Variants in KSR2 observed in about 807,000 individuals in gnomAD.
KSR2 encodes kinase suppressor of ras 2.
KSR2 carries 25 observed loss-of-function variants against 107.8 expected under a neutral mutation model. The ratio of observed to expected loss-of-function variants is 0.23; its 90% CI spans 0.17 to 0.32. The LOEUF is 0.32. Ranked by LOEUF, KSR2 falls within the 10% of genes least tolerant of loss-of-function variation. The pLI is 1.00. For synonymous variants in KSR2, 480 were observed against 507.0 expected, an observed-to-expected ratio of 0.95 and a Z score of 0.71; for missense variants, 887 against 1,268.9, an observed-to-expected ratio of 0.70 and a Z score of 4.57.
At chr12:117,966,609 T>TCACA (rs1347077824) in intron 1 of KSR2, among the ~76,000 whole-genome samples, 1 of 98,216 alleles carries the variant, frequency 1.0e-5, no homozygotes, top group African/African-American at 4.4e-5. Context: ...TCTCTCTCTC[T>TCACA]CTCACACGCG....
intron 4 of KSR2, among the ~76,000 whole-genome samples, chr12:117,725,084 T>TCTCTCTCACA (rs1468780403): frequency 3.3e-5 from 4 of 121,486 alleles, no homozygotes; most frequent in African/African-American, 1.2e-4. Flanking sequence ...TCTCTCTCTC[T>TCTCTCTCACA]CACACACACA....
chr12:117,872,221 AC>A (rs1312852230), intron 1 of KSR2, among the ~76,000 whole-genome samples: 1 of 152,202 alleles, frequency 6.6e-6, no homozygotes, highest in African/African-American at 2.4e-5. Context: ...TAGGCAGCTC[AC>A]CCAAGGTACT....
chr12:117,812,202 T>C (rs1279567047), intron 3 of KSR2, among the ~76,000 whole-genome samples: 1 of 152,184 alleles, frequency 6.6e-6, no homozygotes, highest in African/African-American at 2.4e-5. Context: ...GCTAACCAAA[T>C]TGAGATGGGC....
At chr12:117,946,883 G>A (rs977041270) in intron 1 of KSR2, among the ~76,000 whole-genome samples, 3 of 151,902 alleles carry the variant, frequency 2.0e-5, no homozygotes, top group African/African-American at 7.3e-5. Context: ...AAGATAAATG[G>A]GCCAGGTGCA....
chr12:117,797,532 G>GTGA lies in KSR2; in HGVS notation c.473-36011_473-36009dup, dbSNP rs1555242073. 3.5e-4 allele frequency among the ~76,000 whole-genome samples: 38 copies of GTGA among 109,336 alleles called. No homozygotes were observed. In the East Asian group the frequency reaches 0.011, roughly 30 times the overall value. 71.7% of individuals were successfully genotyped at this position (109,336 alleles called of 152,430 possible). On this transcript the variant is annotated intron_variant, in intron 3 of 19. Coordinates refer to ENST00000339824, the MANE Select transcript of KSR2 (RefSeq NM_173598.6). The stretch of plus-strand genomic sequence containing the variant: ...AATGGCTACGGGGTTTCTATTTGGT[G>GTGA]TGATGACAATACTTTGGAACTAGAC...
intron 1 of KSR2, among the ~76,000 whole-genome samples, chr12:117,966,688 C>T (rs61943461): frequency 1.4e-5 from 2 of 140,950 alleles, no homozygotes; most frequent in Non-Finnish European, 3.2e-5. Flanking sequence ...CTCTCTTTCT[C>T]CCTCCCTCTC....
At chr12:117,794,022 A>T (rs372770395) in intron 3 of KSR2, among the ~76,000 whole-genome samples, 1 of 37,408 alleles carries the variant, frequency 2.7e-5, no homozygotes, top group Non-Finnish European at 4.6e-5. Flanking sequence ...ATGCACACTC[A>T]CACCAACATG....
At chr12:117,873,461 C>G (rs376839935) in intron 1 of KSR2, among the ~76,000 whole-genome samples, 1 of 119,510 alleles carries the variant, frequency 8.4e-6, no homozygotes. Context: ...GTTCATGGTG[C>G]TTTTTTTTTT....
rs545866663 is a variant in KSR2 at position 117,457,285 on chromosome 12, T to C, written c.*9914A>G. ...TTCTCCTCTGATTTCCTTTCTCCCA[T>C]GGAAGGTTGCAGATGGCAGGATGCT... On this transcript the variant is annotated 3_prime_UTR_variant, in exon 20 of 20. Transcript: ENST00000339824. The C allele has an allele frequency of 1.3e-5, 2 of 152,294 alleles. No individual in the cohort carries two copies. Among genetic ancestry groups the C allele is most frequent in the African/African-American group, 4.8e-5 (2 of 41,558 alleles). The allele number at this position is 152,294 out of a possible 1,614,324, so 9.4% of individuals were successfully genotyped here.
intron 4 of KSR2, among the ~76,000 whole-genome samples, chr12:117,717,549 G>A (rs1279757126): frequency 6.6e-6 from 1 of 151,824 alleles, no homozygotes; most frequent in African/African-American, 2.4e-5. Context: ...AAAAAAAGAG[G>A]GCCCTATATG....
At chr12:117,474,551 G>C (rs1002186416) in intron 17 of KSR2, among the ~76,000 whole-genome samples, 1 of 151,994 alleles carries the variant, frequency 6.6e-6, no homozygotes, top group African/African-American at 2.4e-5. Flanking sequence ...CGCTTCCCCA[G>C]TGTTATCTCC....
intron 4 of KSR2, among the ~76,000 whole-genome samples, chr12:117,696,602 G>C (rs1886069493): frequency 6.6e-6 from 1 of 152,128 alleles, no homozygotes; most frequent in African/African-American, 2.4e-5. Flanking sequence ...GACCAGCTGT[G>C]ATATTTTAGT....
chr12:117,641,234 T>C (rs1172925367), intron 5 of KSR2, among the ~76,000 whole-genome samples: 5 of 152,150 alleles, frequency 3.3e-5, no homozygotes, highest in African/African-American at 9.7e-5. Context: ...GTAGCTGGGA[T>C]TACAGGCGTG....
At chr12:117,594,049 G>A (rs192751013) in intron 5 of KSR2, among the ~76,000 whole-genome samples, 5 of 152,146 alleles carry the variant, frequency 3.3e-5, no homozygotes, top group Admixed American at 6.5e-5. Context: ...CATATTTATC[G>A]CCTTGAACTG....
At position 117,929,831 on chromosome 12, in the gene KSR2, G is replaced by A. The variant is rs1281612782; in HGVS notation, c.180+38245C>T. Among the ~76,000 whole-genome samples the A allele has an allele frequency of 2.0e-5, 3 of 152,150 alleles. No homozygotes were observed. The East Asian group carries it at 5.8e-4, about 29-fold the overall frequency. Reference sequence around the variant, plus strand: ...GGCAAATTCATAAAGACAGAAAGTAGAATAGATGTTACCGGGAGCAGGAGG... The same window carrying A: ...GGCAAATTCATAAAGACAGAAAGTAAAATAGATGTTACCGGGAGCAGGAGG... On this transcript the variant is annotated intron_variant, in intron 1 of 19. Transcript: ENST00000339824.
At chr12:117,809,362 T>A (rs1037203596) in intron 3 of KSR2, among the ~76,000 whole-genome samples, 1 of 152,000 alleles carries the variant, frequency 6.6e-6, no homozygotes, top group African/African-American at 2.4e-5. Context: ...TTAGGCAGCA[T>A]CCCTGGCTCC....
chr12:117,706,068 G>A (rs1413878048), intron 4 of KSR2, among the ~76,000 whole-genome samples: 26 of 147,074 alleles, frequency 1.8e-4, no homozygotes, highest in African/African-American at 3.5e-4. Context: ...TTTTGAGACG[G>A]AGTCCTGCTC....
At chr12:117,602,825 CT>C (rs1257151899) in intron 5 of KSR2, among the ~76,000 whole-genome samples, 2 of 152,194 alleles carry the variant, frequency 1.3e-5, no homozygotes, top group Non-Finnish European at 2.9e-5. Flanking sequence ...CCCACTGGGC[CT>C]GAGCTCTTTT....
At chr12:117,699,334 C>A (rs1886205967) in intron 4 of KSR2, among the ~76,000 whole-genome samples, 1 of 152,202 alleles carries the variant, frequency 6.6e-6, no homozygotes, top group Admixed American at 6.5e-5. Context: ...ATTTAATTCT[C>A]CCAGCAGCCC....
Sources: allele counts gnomAD v4.1 joint callset (sites outside exome capture counted in the v4.1 genomes callset), GRCh38; gene constraint gnomAD v4.1.1; transcripts MANE v1.5; gene names NCBI Gene and HGNC (gene_info 2026-07-23, HGNC 2026-07-21).